ARID1B: variants seen among roughly 807,000 people sequenced by gnomAD.
ARID1B encodes the protein AT-rich interactive domain-containing protein 1B.
Under a neutral mutation model 212.3 loss-of-function variants are expected in ARID1B, and 30 were observed. The ratio of observed to expected loss-of-function variants is 0.14; its 90% confidence interval spans 0.11 to 0.19. The LOEUF is 0.19. Among genes scored for constraint, ARID1B ranks in the 10% least tolerant of loss-of-function variants. The pLI, the probability that ARID1B is intolerant of heterozygous loss-of-function variation, is 1.00. For synonymous variants in ARID1B, 1,402 were observed against 1,301.7 expected (o/e 1.08, Z -1.66); for missense variants, 2,891 against 3,204.0 (o/e 0.90, Z 2.36).
At chr6:156,894,299 T>TGGGGGCCGGGGGGGTGGGAG (rs1326684088) in intron 2 of ARID1B, among the ~76,000 whole-genome samples, 2 of 7,472 alleles carry the variant, frequency 2.7e-4, no homozygotes, top group African/African-American at 1.1e-3. Context: ...GGGGTTGGGA[T>TGGGGGCCGGGGGGGTGGGAG]GGGGGCCGGG....
chr6:157,110,668 T>C (rs1457108516), intron 6 of ARID1B, 107 bp downstream of exon 6: 2 of 1,055,472 alleles, frequency 1.9e-6, no homozygotes, highest in Non-Finnish European at 2.9e-6. Flanking sequence ...TTTTAAAGGA[T>C]ATTATGTTTT....
chr6:157,102,746 G>A (rs540365640), intron 5 of ARID1B, among the ~76,000 whole-genome samples: 3 of 150,778 alleles, frequency 2.0e-5, no homozygotes, highest in East Asian at 2.0e-4. Flanking sequence ...ACAGGTGTAC[G>A]CCACCACGCC....
At chr6:157,198,544 C>G (rs1403435995) in intron 16 of ARID1B, 3 of 446,108 alleles carry the variant, frequency 6.7e-6, no homozygotes, top group South Asian at 3.8e-5. Flanking sequence ...TTACAGGGTG[C>G]CTGCCTGCTC....
chr6:157,133,273 C>A, intron 7 of ARID1B, 66 bp downstream of exon 7: 1 of 1,454,024 alleles, frequency 6.9e-7, no homozygotes, highest in East Asian at 2.4e-5. Flanking sequence ...TGTGCTAGTC[C>A]TTCAAGATTT....
chr6:156,810,962 T>A (rs1321779384), intron 1 of ARID1B, among the ~76,000 whole-genome samples: 1 of 152,208 alleles, frequency 6.6e-6, no homozygotes, highest in Non-Finnish European at 1.5e-5. Context: ...TGCCATACTC[T>A]GCTTGGGGTC....
At chr6:156,991,727 A>T (rs2128406709) in intron 4 of ARID1B, among the ~76,000 whole-genome samples, 2 of 152,330 alleles carry the variant, frequency 1.3e-5, no homozygotes, top group African/African-American at 4.8e-5. Flanking sequence ...GGAACTTAGT[A>T]TGTTTTCATA....
chr6:157,084,593 T>C (rs1334773860), intron 4 of ARID1B, 69 bp from the exon 5 acceptor site: 1 of 1,545,878 alleles, frequency 6.5e-7, no homozygotes, highest in Admixed American at 1.9e-5. Flanking sequence ...ATTATGATTT[T>C]CAAGTCGTCT....
chr6:157,102,519 G>T (rs1786122662), intron 5 of ARID1B, among the ~76,000 whole-genome samples: 1 of 150,932 alleles, frequency 6.6e-6, no homozygotes, highest in Admixed American at 6.6e-5. Flanking sequence ...AAATATGGAA[G>T]AATGTGAGAT....
chr6:156,814,245 G>A (rs751527754), intron 1 of ARID1B, among the ~76,000 whole-genome samples: 15 of 151,886 alleles, frequency 9.9e-5, no homozygotes, highest in Non-Finnish European at 1.9e-4. Flanking sequence ...GCAAGACCCC[G>A]TCTCTACAAA....
intron 1 of ARID1B, among the ~76,000 whole-genome samples, chr6:156,806,801 A>G (rs1562399337): frequency 1.3e-5 from 2 of 152,200 alleles, no homozygotes; most frequent in Non-Finnish European, 2.9e-5. Context: ...CACATAGTAA[A>G]TAATTCAGGT....
At chr6:157,022,141 A>AGGCGG (rs1554284322) in intron 4 of ARID1B, 5 of 98,456 alleles carry the variant, frequency 5.1e-5, no homozygotes, top group Admixed American at 1.1e-4. Context: ...CAGGGCGGGG[A>AGGCGG]GGCGGGGCGG....
At chr6:157,084,139 C>CG (rs1210248192) in intron 4 of ARID1B, among the ~76,000 whole-genome samples, 2 of 149,142 alleles carry the variant, frequency 1.3e-5, no homozygotes, top group African/African-American at 4.9e-5. Flanking sequence ...CATCACCTCC[C>CG]CCCCAAAAAA....
At chr6:156,928,420 G>T (rs564236815) in intron 3 of ARID1B, among the ~76,000 whole-genome samples, 177 of 152,264 alleles carry the variant, frequency 1.2e-3, no homozygotes, top group African/African-American at 4.1e-3. Context: ...ATCTCATTTG[G>T]GTGCTCTCCT....
chr6:156,946,778 C>G (rs1226175609), intron 4 of ARID1B, among the ~76,000 whole-genome samples: 3 of 152,096 alleles, frequency 2.0e-5, no homozygotes, highest in Admixed American at 6.5e-5. Context: ...GCGTTGCTGA[C>G]AAACACAGGG....
chr6:156,778,116 C>T lies in ARID1B; in HGVS notation c.436C>T (p.Leu146=), dbSNP rs1487880411. 6.5e-7 allele frequency: 1 copy of T among 1,541,224 alleles called. No homozygotes were observed. The highest frequency in any genetic ancestry group is 1.4e-5 in the African/African-American group (1 of 72,916). Residue 146 remains leucine (L), a synonymous_variant, in exon 1 of 20, where the codon CTG becomes TTG. Transcript: ENST00000636930. ...CCCGGGCTCGGCCATGGAGACGGGG[C>T]TGCTCCCCAACCACAAACTGAAAAC... is the stretch of plus-strand genomic sequence containing the variant. ...SGPGSAMETG[L]LPNHKLKTVG...
At chr6:157,040,877 A>G (rs982538784) in intron 4 of ARID1B, among the ~76,000 whole-genome samples, 1 of 152,276 alleles carries the variant, frequency 6.6e-6, no homozygotes, top group Admixed American at 6.5e-5. Context: ...AGTATAGTAG[A>G]CAATAAGCAC....
chr6:157,042,886 C>T lies in ARID1B; in HGVS notation c.2248-41776C>T, dbSNP rs187870243. Among the ~76,000 whole-genome samples, 27 of 152,272 alleles carry T rather than the reference C, an allele frequency of 1.8e-4. No individual in the cohort carries two copies. In the East Asian group the frequency reaches 4.8e-3, roughly 27 times the overall value. ...ATGTTGGCCAGGCTGGTCTCAAACT[C>T]CTGACCTCAAGTGATCTGCCCGCCT... On this transcript the variant is annotated intron_variant, in intron 4 of 19. Transcript: ENST00000636930.
At chr6:157,160,045 C>G (rs1470280064) in intron 8 of ARID1B, among the ~76,000 whole-genome samples, 1 of 152,214 alleles carries the variant, frequency 6.6e-6, no homozygotes, top group East Asian at 1.9e-4. Flanking sequence ...GGTAGCTGCT[C>G]CAGCTTGTCT....
chr6:156,921,438 A>AACACACACACAC (rs10560265), intron 3 of ARID1B, among the ~76,000 whole-genome samples: 1 of 135,922 alleles, frequency 7.4e-6, no homozygotes, highest in African/African-American at 2.8e-5. Flanking sequence ...TTGATGGGAA[A>AACACACACACAC]ACACACACAC....
Sources: allele counts gnomAD v4.1 joint callset (sites outside exome capture counted in the v4.1 genomes callset), GRCh38; gene constraint gnomAD v4.1.1; transcripts MANE v1.5; gene names NCBI Gene and HGNC (gene_info 2026-07-23, HGNC 2026-07-21).